The following FUT9 variants were observed in gnomAD, a reference collection of about 807,000 sequenced individuals.
FUT9 encodes fucosyltransferase 9.
FUT9 carries 15 observed loss-of-function variants against 29.7 expected under a neutral mutation model. The observed-to-expected ratio is 0.51, with a 90% CI of 0.34 to 0.78. FUT9 has a LOEUF of 0.78. FUT9 is among the 30% of genes least tolerant of loss of function. FUT9 has a pLI of 0.01. For missense variants in FUT9, 319 were observed against 425.4 expected, an observed-to-expected ratio of 0.75 and a Z score of 2.20; for synonymous variants, 169 against 153.7, an observed-to-expected ratio of 1.10 and a Z score of -0.74.
chr6:96,101,349 G>A (rs1771582183), intron 1 of FUT9, among the ~76,000 whole-genome samples: 1 of 152,022 alleles, frequency 6.6e-6, no homozygotes, highest in African/African-American at 2.4e-5. Context: ...GACCAGCCTG[G>A]CCAACATGAT....
At position 96,021,289 on chromosome 6, in the gene FUT9, G is replaced by GT. The variant is rs199697998; in HGVS notation, c.-98+5085dup. 2.6e-3 allele frequency among the ~76,000 whole-genome samples: 388 copies of GT among 151,000 alleles called. 1 individual carries two copies. The highest frequency in any genetic ancestry group is 8.7e-3 in the African/African-American group (355 of 40,994). On this transcript the variant is annotated intron_variant, in intron 1 of 2. Transcript: ENST00000302103. ...TTTTTGTTGTTGTTGTTGTTGTTTT[G>GT]TTTTTTTTGGACAATGCAGGAACCT...
At chr6:96,189,867 C>A (rs1280532625) in intron 2 of FUT9, among the ~76,000 whole-genome samples, 2 of 152,064 alleles carry the variant, frequency 1.3e-5, no homozygotes, top group Non-Finnish European at 2.9e-5. Flanking sequence ...TCCATTTTAC[C>A]AGTCTGTGTC....
At chr6:96,035,799 TATA>T (rs1393957322) in intron 1 of FUT9, among the ~76,000 whole-genome samples, 1 of 133,792 alleles carries the variant, frequency 7.5e-6, no homozygotes, top group African/African-American at 2.7e-5. Context: ...ATTATACTAA[TATA>T]ATATAATACA....
At chr6:96,193,946 C>G (rs537622523) in intron 2 of FUT9, among the ~76,000 whole-genome samples, 1 of 152,096 alleles carries the variant, frequency 6.6e-6, no homozygotes, top group Admixed American at 6.6e-5. Context: ...AGCGAACTAT[C>G]GCAAGGGCGA....
intron 2 of FUT9, among the ~76,000 whole-genome samples, chr6:96,139,365 T>A (rs1582261342): frequency 1.3e-5 from 2 of 152,144 alleles, no homozygotes; most frequent in Admixed American, 1.3e-4. Flanking sequence ...AGGGTACAGA[T>A]CCCTCCTGGC....
At chr6:96,049,369 A>T (rs2127937390) in intron 1 of FUT9, among the ~76,000 whole-genome samples, 1 of 152,314 alleles carries the variant, frequency 6.6e-6, no homozygotes, top group Non-Finnish European at 1.5e-5. Flanking sequence ...CTCACTGATA[A>T]AATTCAGTGT....
chr6:96,090,522 C>A (rs1771393979), intron 1 of FUT9, among the ~76,000 whole-genome samples: 1 of 151,390 alleles, frequency 6.6e-6, no homozygotes, highest in Non-Finnish European at 1.5e-5. Context: ...TAAAATAAAA[C>A]TGAAATTTAA....
At chr6:96,138,316 G>C (rs1772397743) in intron 2 of FUT9, among the ~76,000 whole-genome samples, 2 of 152,072 alleles carry the variant, frequency 1.3e-5, no homozygotes, top group African/African-American at 4.8e-5. Context: ...GGCAATTTTT[G>C]CTTGGTTTTT....
At chr6:96,060,873 G>C (rs1167234676) in intron 1 of FUT9, among the ~76,000 whole-genome samples, 1 of 152,036 alleles carries the variant, frequency 6.6e-6, no homozygotes, top group Non-Finnish European at 1.5e-5. Context: ...TTTTTAGCTG[G>C]ACATTTACAG....
At chr6:96,132,361 CA>C (rs1029734627) in intron 2 of FUT9, among the ~76,000 whole-genome samples, 2 of 143,054 alleles carry the variant, frequency 1.4e-5, no homozygotes, top group African/African-American at 5.2e-5. Context: ...TGAAAATGAT[CA>C]AAATGTCAGT....
chr6:96,095,704 C>G (rs1771483789), intron 1 of FUT9, among the ~76,000 whole-genome samples: 1 of 152,054 alleles, frequency 6.6e-6, no homozygotes, highest in Non-Finnish European at 1.5e-5. Context: ...AGCCTTTGGC[C>G]AGTAATTCCA....
intron 2 of FUT9, among the ~76,000 whole-genome samples, chr6:96,134,931 T>C (rs1038535072): frequency 8.6e-5 from 13 of 151,966 alleles, no homozygotes; most frequent in African/African-American, 3.1e-4. Context: ...CCAACTTCAA[T>C]GTATTTGTCC....
At chr6:96,038,937 C>G in intron 1 of FUT9, among the ~76,000 whole-genome samples, 1 of 152,110 alleles carries the variant, frequency 6.6e-6, no homozygotes, top group East Asian at 1.9e-4. Flanking sequence ...ACCAAAAACT[C>G]AGGTGTCACC....
chr6:96,164,935 G>A (rs1035800580), intron 2 of FUT9, among the ~76,000 whole-genome samples: 2 of 152,168 alleles, frequency 1.3e-5, no homozygotes, highest in African/African-American at 4.8e-5. Flanking sequence ...TGAGACAGTG[G>A]TTTCTGTATG....
At chr6:96,077,367 T>G (rs1448408340) in intron 1 of FUT9, among the ~76,000 whole-genome samples, 3 of 152,208 alleles carry the variant, frequency 2.0e-5, no homozygotes, top group Non-Finnish European at 4.4e-5. Context: ...CTTATACAAC[T>G]TCATGTTGTT....
chr6:96,020,552 A>G (rs1270502305), intron 1 of FUT9, among the ~76,000 whole-genome samples: 1 of 152,130 alleles, frequency 6.6e-6, no homozygotes, highest in African/African-American at 2.4e-5. Flanking sequence ...CAGAGGGATC[A>G]ATGGAAGTGA....
chr6:96,117,258 A>G (rs1246508601), intron 2 of FUT9, among the ~76,000 whole-genome samples: 1 of 152,208 alleles, frequency 6.6e-6, no homozygotes, highest in African/African-American at 2.4e-5. Flanking sequence ...TAAATAAATT[A>G]TAGATATTGG....
chr6:96,095,532 T>C (rs1771481332), intron 1 of FUT9, among the ~76,000 whole-genome samples: 1 of 152,194 alleles, frequency 6.6e-6, no homozygotes, highest in Non-Finnish European at 1.5e-5. Flanking sequence ...ATCAGCAGCA[T>C]TTGACAAAGT....
chr6:96,192,021 C>T (rs1433812690), intron 2 of FUT9, among the ~76,000 whole-genome samples: 1 of 152,134 alleles, frequency 6.6e-6, no homozygotes, highest in East Asian at 1.9e-4. Context: ...GCAAAAAACT[C>T]TCAATAAATT....
Sources: gnomAD v4.1 joint callset for allele counts (sites outside exome capture counted in the v4.1 genomes callset) on GRCh38, gnomAD v4.1.1 for gene constraint, MANE v1.5 for transcripts, NCBI Gene and HGNC (gene_info 2026-07-23, HGNC 2026-07-21) for gene names.